Variants in ADGRL3 observed in about 807,000 individuals in gnomAD.
ADGRL3 encodes adhesion G protein-coupled receptor L3, also known as calcium-independent alpha-latrotoxin receptor 3.
In ADGRL3, 62 loss-of-function variants were observed where a neutral mutation model predicts 153.5. The ratio of observed to expected loss-of-function variants is 0.40; its 90% confidence interval spans 0.33 to 0.50. ADGRL3 has a LOEUF of 0.50. Among genes scored for constraint, ADGRL3 ranks in the 20% least tolerant of loss-of-function variants. The pLI is 0.47. For missense variants in ADGRL3, 1,641 were observed against 1,859.4 expected (o/e 0.88, Z 2.16); for synonymous variants, 710 against 672.5 (o/e 1.06, Z -0.86).
intron 6 of ADGRL3, among the ~76,000 whole-genome samples, chr4:61,721,776 C>T (rs997648591): frequency 1.3e-5 from 2 of 152,100 alleles, no homozygotes; most frequent in African/African-American, 4.8e-5. Flanking sequence ...TGTGAGTGCT[C>T]AGTGACAAAC....
rs115816712 is a variant in ADGRL3 at position 61,581,860 on chromosome 4, G to A, written c.260-5367G>A. On this transcript the variant is annotated intron_variant, in intron 4 of 26. Transcript: ENST00000683033. ...ATCATGTAATTTTTTGTTCCTAAAC[G>A]TTGTTCAAATACATTCTTTATCATT... Among the ~76,000 whole-genome samples, 326 of 152,066 alleles carry A rather than the reference G, an allele frequency of 2.1e-3. 2 individuals carry two copies. The highest frequency in any genetic ancestry group is 7.5e-3 in the African/African-American group (310 of 41,514).
At chr4:61,929,022 A>G (rs939790368) in intron 13 of ADGRL3, among the ~76,000 whole-genome samples, 12 of 152,148 alleles carry the variant, frequency 7.9e-5, no homozygotes, top group African/African-American at 2.9e-4. Flanking sequence ...ACAAATATAG[A>G]TAATTCTGTT....
chr4:62,063,131 C>CT (rs951902173), intron 25 of ADGRL3, among the ~76,000 whole-genome samples: 8 of 151,452 alleles, frequency 5.3e-5, no homozygotes, highest in Admixed American at 2.0e-4. Flanking sequence ...GTGTTTTAAA[C>CT]TTTTTTTTGG....
intron 2 of ADGRL3, among the ~76,000 whole-genome samples, chr4:61,413,285 G>A (rs570731354): frequency 6.6e-6 from 1 of 152,128 alleles, no homozygotes; most frequent in East Asian, 1.9e-4. Context: ...ACCCGGGGTC[G>A]GTGTGCCTCC....
chr4:61,707,617 T>C (rs1363173096), intron 6 of ADGRL3, among the ~76,000 whole-genome samples: 1 of 152,194 alleles, frequency 6.6e-6, no homozygotes, highest in African/African-American at 2.4e-5. Context: ...ACGTGAACAT[T>C]TTCATTTTTC....
At chr4:61,515,850 A>G (rs1014731818) in intron 3 of ADGRL3, among the ~76,000 whole-genome samples, 1 of 152,182 alleles carries the variant, frequency 6.6e-6, no homozygotes, top group Admixed American at 6.5e-5. Flanking sequence ...TTAGGAGCCA[A>G]AAGTTCAGAA....
intron 5 of ADGRL3, among the ~76,000 whole-genome samples, chr4:61,641,350 T>C (rs1003032038): frequency 5.9e-5 from 9 of 151,964 alleles, no homozygotes; most frequent in African/African-American, 1.9e-4. Context: ...GTTAGTTACA[T>C]ATGTATACAT....
At chr4:62,023,024 G>C (rs1256621323) in intron 21 of ADGRL3, among the ~76,000 whole-genome samples, 1 of 41,934 alleles carries the variant, frequency 2.4e-5, no homozygotes, top group Admixed American at 3.8e-4. Context: ...GATGGATCTG[G>C]ACAAACTAAA....
intron 25 of ADGRL3, among the ~76,000 whole-genome samples, chr4:62,067,640 A>G (rs1743686705): frequency 6.6e-6 from 1 of 152,110 alleles, no homozygotes; most frequent in Admixed American, 6.6e-5. Flanking sequence ...GCAGGAAAAG[A>G]GAAGATACAT....
intron 8 of ADGRL3, among the ~76,000 whole-genome samples, chr4:61,760,741 G>C (rs2096902392): frequency 6.6e-6 from 1 of 152,190 alleles, no homozygotes; most frequent in Non-Finnish European, 1.5e-5. Context: ...CTCATCTTCT[G>C]GGTCGCTCAT....
chr4:61,525,042 G>T (rs1234916194), intron 4 of ADGRL3, among the ~76,000 whole-genome samples: 1 of 151,958 alleles, frequency 6.6e-6, no homozygotes, highest in African/African-American at 2.4e-5. Flanking sequence ...TTTCCTCAAG[G>T]ACTTTGCAAT....
At chr4:61,308,984 A>G (rs961433088) in intron 1 of ADGRL3, among the ~76,000 whole-genome samples, 2 of 152,130 alleles carry the variant, frequency 1.3e-5, no homozygotes, top group Non-Finnish European at 2.9e-5. Flanking sequence ...GGTAATATAT[A>G]TGTTTGGCAA....
chr4:62,054,163 G>T (rs1022463351), intron 25 of ADGRL3, among the ~76,000 whole-genome samples: 5 of 151,580 alleles, frequency 3.3e-5, no homozygotes, highest in Non-Finnish European at 5.9e-5. Flanking sequence ...CTGCTATTTT[G>T]CCTGTGGTTA....
At chr4:61,374,313 T>G (rs1011521530) in intron 1 of ADGRL3, among the ~76,000 whole-genome samples, 1 of 152,230 alleles carries the variant, frequency 6.6e-6, no homozygotes, top group African/African-American at 2.4e-5. Flanking sequence ...TGCTTTTGCT[T>G]CTTCTGATTT....
At chr4:61,580,420 T>C (rs1579652521) in intron 4 of ADGRL3, among the ~76,000 whole-genome samples, 1 of 152,218 alleles carries the variant, frequency 6.6e-6, no homozygotes, top group Non-Finnish European at 1.5e-5. Context: ...TGTACGATCA[T>C]TCATAATATT....
At chr4:61,253,491 A>T (rs2091657895) in intron 1 of ADGRL3, among the ~76,000 whole-genome samples, 1 of 152,076 alleles carries the variant, frequency 6.6e-6, no homozygotes, top group Admixed American at 6.6e-5. Flanking sequence ...GGGAAAAAAG[A>T]GAGGAAAGTC....
chr4:61,980,600 C>T (rs1291234260), intron 18 of ADGRL3, among the ~76,000 whole-genome samples: 1 of 151,810 alleles, frequency 6.6e-6, no homozygotes, highest in African/African-American at 2.4e-5. Flanking sequence ...CCACCAAGCC[C>T]AGCTAATTTT....
chr4:61,698,546 A>G (rs938875593), intron 6 of ADGRL3, among the ~76,000 whole-genome samples: 5 of 152,210 alleles, frequency 3.3e-5, no homozygotes, highest in African/African-American at 1.2e-4. Flanking sequence ...TGAAAAGCTG[A>G]GGCCAAAGGA....
chr4:61,716,706 G>A (rs553464752), intron 6 of ADGRL3, among the ~76,000 whole-genome samples: 82 of 152,202 alleles, frequency 5.4e-4, no homozygotes, highest in Middle Eastern at 3.4e-3. Context: ...TCACTAAACC[G>A]AGGGAGAAGA....
Sources: gnomAD v4.1 joint callset for allele counts (sites outside exome capture counted in the v4.1 genomes callset) on GRCh38, gnomAD v4.1.1 for gene constraint, MANE v1.5 for transcripts, NCBI Gene and HGNC (gene_info 2026-07-23, HGNC 2026-07-21) for gene names.